Variants in HPN observed in about 807,000 individuals in gnomAD.
HPN encodes the protein serine protease hepsin.
HPN carries 13 observed loss-of-function variants against 55.9 expected under a neutral mutation model. The ratio of observed to expected loss-of-function variants is 0.23; its 90% CI spans 0.15 to 0.37. The LOEUF is 0.37. HPN is among the 10% of genes least tolerant of loss of function. The pLI is 1.00. For missense variants in HPN, 451 were observed against 575.8 expected, an observed-to-expected ratio of 0.78 and a Z score of 2.22; for synonymous variants, 225 against 240.3, an observed-to-expected ratio of 0.94 and a Z score of 0.59.
rs964497639 is a variant in HPN, at chr19:35,050,502, A to G, written c.160+986A>G. 3.1e-6 allele frequency: 4 copies of G among 1,289,096 alleles called. No individual in the cohort carries two copies. The Admixed American group carries it at 6.9e-5, about 22-fold the overall frequency. The allele number at this position is 1,289,096 out of a possible 1,614,324, so 79.9% of individuals were successfully genotyped here. Reference sequence around the variant, plus strand: ...AGCTGGGGAACGAGGGGCCAGGAACAGCTCTTAGACTTATCCACTGTAAGT... The same window carrying G: ...AGCTGGGGAACGAGGGGCCAGGAACGGCTCTTAGACTTATCCACTGTAAGT... On this transcript the variant is annotated intron_variant, in intron 4 of 12. Transcript: ENST00000672452.
At chr19:35,046,483 G>C (rs2064343590) in intron 2 of HPN, among the ~76,000 whole-genome samples, 1 of 152,090 alleles carries the variant, frequency 6.6e-6, no homozygotes, top group African/African-American at 2.4e-5. Context: ...GACCTCAAGT[G>C]ATCCACCTGC....
At chr19:35,060,576 G>A (rs746879659) in intron 8 of HPN, 51 bp from the exon 9 acceptor site, 1 of 1,612,096 alleles carries the variant, frequency 6.2e-7, no homozygotes, top group Non-Finnish European at 8.5e-7. Context: ...GTGGGGAGGA[G>A]GGCGGATTGT....
chr19:35,056,413 G>A (rs1200446128), intron 4 of HPN, among the ~76,000 whole-genome samples: 2 of 152,138 alleles, frequency 1.3e-5, no homozygotes, highest in Non-Finnish European at 2.9e-5. Context: ...ATAGAGCCTG[G>A]CAGGTACAAA....
chr19:35,048,073 AAAG>A (rs1237607667), intron 2 of HPN, among the ~76,000 whole-genome samples: 1,503 of 58,056 alleles, frequency 0.026, 20 homozygotes, highest in African/African-American at 0.091. Context: ...AGAAAGAAAG[AAAG>A]AAAGAAAAGG....
rs991689647 is a variant in HPN at position 35,065,982 on chromosome 19, G to A, written c.1165G>A (p.Val389Ile). The A allele has an allele frequency of 1.8e-5, 29 of 1,613,120 alleles. No individual in the cohort carries two copies. The highest frequency in any genetic ancestry group is 8.0e-5 in the African/African-American group (6 of 74,928). The part of the protein sequence containing the change: ...TGCALAQKPG[V>I]YTKVSDFREW... ...CTGTGCCCTGGCCCAGAAGCCAGGC[G>A]TCTACACCAAAGTCAGTGACTTCCG... is the stretch of plus-strand genomic sequence containing the variant. The change falls in exon 12 of 13, where the codon GTC (valine) becomes ATC (isoleucine). Residue 389 changes from valine (V) to isoleucine (I), a missense_variant. Physicochemically the swap from Val to Ile is conservative, Grantham distance 29. Transcript: ENST00000672452.
chr19:35,065,953 C>T lies in HPN; in HGVS notation c.1136C>T (p.Thr379Ile). 1.2e-6 allele frequency: 2 copies of T among 1,613,928 alleles called. No homozygotes were observed. Among genetic ancestry groups the T allele is most frequent in the Non-Finnish European group, 1.7e-6 (2 of 1,180,038 alleles). The change falls in exon 12 of 13, where the codon ACT becomes ATT. Residue 379 changes from threonine to isoleucine, a missense_variant. Physicochemically the swap from Thr to Ile is moderately conservative, Grantham distance 89. Transcript: ENST00000672452. ...WRLCGIVSWG[T>I]GCALAQKPGV... ...CTGTGTGGCATTGTGAGTTGGGGCA[C>T]TGGCTGTGCCCTGGCCCAGAAGCCA...
chr19:35,056,741 T>G (rs1187521816), intron 4 of HPN, among the ~76,000 whole-genome samples: 1 of 152,206 alleles, frequency 6.6e-6, no homozygotes, highest in African/African-American at 2.4e-5. Context: ...CGGCCATCTG[T>G]GTCTCCAGGA....
intron 12 of HPN, 103 bp from the exon 13 acceptor site, chr19:35,066,146 C>G (rs2064606711): frequency 6.2e-7 from 1 of 1,612,952 alleles, no homozygotes; most frequent in African/African-American, 1.3e-5. Flanking sequence ...AGAGGGCCCC[C>G]CTTGGGAACA....
intron 9 of HPN, among the ~76,000 whole-genome samples, chr19:35,063,487 T>A (rs1600397489): frequency 6.6e-6 from 1 of 152,178 alleles, no homozygotes; most frequent in Admixed American, 6.5e-5. Flanking sequence ...AGCGGGCAGA[T>A]CACTTGAGGT....
At chr19:35,049,203 G>C (rs895019549) in intron 2 of HPN, 87 bp from the exon 3 acceptor site, 12 of 939,174 alleles carry the variant, frequency 1.3e-5, no homozygotes, top group Non-Finnish European at 1.8e-5. Flanking sequence ...AGTTAGCCCT[G>C]GGGGCAGGGC....
chr19:35,060,228 C>T, intron 7 of HPN, 59 bp downstream of exon 7: 1 of 1,608,758 alleles, frequency 6.2e-7, no homozygotes, highest in African/African-American at 1.3e-5. Flanking sequence ...CACGTCCCCT[C>T]AAGCTCCCCA....
upstream of HPN, chr19:35,041,697 C>A: frequency 8.9e-7 from 1 of 1,127,592 alleles, no homozygotes; most frequent in Non-Finnish European, 1.1e-6. Context: ...TTCACCCGCC[C>A]CTCGCCCAGC....
chr19:35,042,687 A>C (rs2064306325), intron 2 of HPN, among the ~76,000 whole-genome samples, 165 bp downstream of exon 2: 1 of 150,570 alleles, frequency 6.6e-6, no homozygotes, highest in Non-Finnish European at 1.5e-5. Flanking sequence ...TATTAACCAC[A>C]TTTTCTGTGC....
intron 12 of HPN, 108 bp downstream of exon 12, chr19:35,066,140 G>A (rs1051066968): frequency 6.2e-6 from 10 of 1,612,762 alleles, no homozygotes; most frequent in Admixed American, 1.7e-5. Flanking sequence ...CCTAGAAGAG[G>A]GCCCCCCTTG....
In HPN at chr19:35,042,437, G is replaced by C; in HGVS notation, c.-54-16G>C. On this transcript the variant is annotated splice_polypyrimidine_tract_variant and intron_variant, in intron 1 of 12. Transcript: ENST00000672452. ...GGGCTCCCCCAGGCCCTGCCTCCCC[G>C]TCCATCTCCTCACAGGTCCCACCCT... 6.4e-7 allele frequency: 1 copy of C among 1,560,190 alleles called. No individual in the cohort carries two copies.
Position 35,049,588 on chromosome 19 carries a change from C to G in HPN, c.160+72C>G, listed in dbSNP as rs1199598953. The stretch of plus-strand genomic sequence containing the variant: ...GTGTATCTGGCGGGAGCTCAACAAG[C>G]GTATTTGTTGAATAAATGCACAAAT... On this transcript the variant is annotated intron_variant, in intron 4 of 12. Transcript: ENST00000672452. 3 of 1,343,766 alleles carry G rather than the reference C, an allele frequency of 2.2e-6. No individual in the cohort carries two copies. In the African/African-American group the frequency reaches 4.3e-5, roughly 19 times the overall value. The allele number at this position is 1,343,766 out of a possible 1,614,324, so 83.2% of individuals were successfully genotyped here.
chr19:35,043,907 G>A (rs747764386), intron 2 of HPN, among the ~76,000 whole-genome samples: 4 of 152,226 alleles, frequency 2.6e-5, no homozygotes, highest in Admixed American at 2.0e-4. Context: ...GACACAAAGT[G>A]GGCTCTGGTG....
At chr19:35,044,361 T>C (rs1434746958) in intron 2 of HPN, among the ~76,000 whole-genome samples, 1 of 152,088 alleles carries the variant, frequency 6.6e-6, no homozygotes, top group African/African-American at 2.4e-5. Flanking sequence ...TGCTCTTCTC[T>C]GGGAAGCTGG....
intron 4 of HPN, among the ~76,000 whole-genome samples, chr19:35,052,260 G>C (rs1209880103): frequency 2.0e-5 from 3 of 152,114 alleles, no homozygotes; most frequent in African/African-American, 7.2e-5. Context: ...GGGTGCGGTG[G>C]CTCACCCCTG....
Sources: allele counts gnomAD v4.1 joint callset (sites outside exome capture counted in the v4.1 genomes callset), GRCh38; gene constraint gnomAD v4.1.1; transcripts MANE v1.5; gene names NCBI Gene and HGNC (gene_info 2026-07-23, HGNC 2026-07-21).